The following ANKS1B variants were observed in gnomAD, a reference collection of about 807,000 sequenced individuals.
The protein encoded by ANKS1B is ankyrin repeat and sterile alpha motif domain containing 1B, also known as ankyrin repeat and sterile alpha motif domain-containing protein 1B.
A neutral mutation model predicts 148.3 loss-of-function variants in ANKS1B; 36 were observed. The observed-to-expected ratio is 0.24, with a 90% confidence interval of 0.19 to 0.32. The LOEUF (loss-of-function observed/expected upper bound fraction) is 0.32. Among genes scored for constraint, ANKS1B ranks in the 10% least tolerant of loss-of-function variants. The probability of loss-of-function intolerance (pLI) is 1.00; values close to 1 mark genes in which losing one functional copy is unlikely to be tolerated. For synonymous variants in ANKS1B, 542 were observed against 560.8 expected, an observed-to-expected ratio of 0.97 and a Z score of 0.47; for missense variants, 1,157 against 1,542.6, an observed-to-expected ratio of 0.75 and a Z score of 4.19.
chr12:98,823,978 T>A (rs2099224313), intron 19 of ANKS1B, among the ~76,000 whole-genome samples: 1 of 152,234 alleles, frequency 6.6e-6, no homozygotes, highest in African/African-American at 2.4e-5. Flanking sequence ...TGGCAAAGTG[T>A]TTGCCTCATG....
rs567627136 is a variant in ANKS1B at position 99,710,422 on chromosome 12, A to G, written c.1129-55212T>C. 2.6e-5 allele frequency among the ~76,000 whole-genome samples: 4 copies of G among 152,262 alleles called. No homozygotes were observed. The East Asian group carries it at 7.7e-4, about 29-fold the overall frequency. On this transcript the variant is annotated intron_variant, in intron 8 of 26. Transcript: ENST00000683438. ...TTCTGAGTCTGCTTGAGTAACCTAT[A>G]GTTTATGGGATAAAAGAGATAGATT...
chr12:99,792,373 AC>A (rs1200468927), intron 4 of ANKS1B, among the ~76,000 whole-genome samples: 54 of 152,010 alleles, frequency 3.6e-4, no homozygotes, highest in Admixed American at 3.5e-3. Context: ...AAGATGGAAT[AC>A]TTACAAACCC....
At chr12:99,848,969 A>G (rs2087204688) in intron 1 of ANKS1B, among the ~76,000 whole-genome samples, 1 of 152,138 alleles carries the variant, frequency 6.6e-6, no homozygotes, top group African/African-American at 2.4e-5. Flanking sequence ...ACATGTTCTC[A>G]CTTGTAAGTG....
At chr12:99,422,337 T>G (rs1482926468) in intron 11 of ANKS1B, among the ~76,000 whole-genome samples, 1 of 152,192 alleles carries the variant, frequency 6.6e-6, no homozygotes, top group African/African-American at 2.4e-5. Flanking sequence ...ATAGATGCCA[T>G]TCTTTCCCTC....
chr12:99,093,268 G>A (rs1030711653), intron 15 of ANKS1B: 1 of 152,200 alleles, frequency 6.6e-6, no homozygotes, highest in African/African-American at 2.4e-5. Context: ...AACTACCTTA[G>A]TGTATTCCAG....
In ANKS1B at chr12:99,308,090, T is replaced by C. The variant is rs189123765; in HGVS notation, c.1757-61226A>G. On this transcript the variant is annotated intron_variant, in intron 12 of 26. Coordinates refer to ENST00000683438, the MANE Select transcript of ANKS1B (RefSeq NM_001352186.2). Reference sequence around the variant, plus strand: ...TGAATGATTGTGACTCGTTTAACTATATCTGGACCTGGAGGTAGCTATTTG... The same window carrying C: ...TGAATGATTGTGACTCGTTTAACTACATCTGGACCTGGAGGTAGCTATTTG... Among the ~76,000 whole-genome samples the C allele has an allele frequency of 1.1e-3, 160 of 152,276 alleles. 1 individual carries two copies. Among genetic ancestry groups the C allele is most frequent in the Non-Finnish European group, 3.4e-4 (23 of 68,008 alleles).
At chr12:99,347,189 T>C (rs1293832131) in intron 12 of ANKS1B, among the ~76,000 whole-genome samples, 1 of 151,922 alleles carries the variant, frequency 6.6e-6, no homozygotes, top group Non-Finnish European at 1.5e-5. Flanking sequence ...AGCATCTATA[T>C]AAATACTTAA....
At chr12:99,919,372 A>C (rs1255912264) in intron 1 of ANKS1B, among the ~76,000 whole-genome samples, 1 of 152,204 alleles carries the variant, frequency 6.6e-6, no homozygotes, top group African/African-American at 2.4e-5. Flanking sequence ...GCTACTTAAT[A>C]AGTAATAGTT....
intron 9 of ANKS1B, among the ~76,000 whole-genome samples, chr12:99,534,779 G>A (rs1567295836): frequency 1.4e-5 from 2 of 140,750 alleles, no homozygotes; most frequent in Non-Finnish European, 3.0e-5. Context: ...GCATTATTTC[G>A]GCTCACTGCA....
chr12:99,879,576 C>T lies in ANKS1B; in HGVS notation c.135-54187G>A, dbSNP rs113965054. ...ATTCCTAAGCCTATCTCAGATTCTG[C>T]AGGATGAATCAGTTTGTTTATCATT... On this transcript the variant is annotated intron_variant, in intron 1 of 26. Transcript: ENST00000683438. Among the ~76,000 whole-genome samples the T allele has an allele frequency of 8.8e-3, 1,336 of 152,300 alleles. 5 individuals carry two copies. Among genetic ancestry groups the T allele is most frequent in the Non-Finnish European group, 0.014 (954 of 68,022 alleles).
chr12:99,488,519 C>T (rs1422521432), intron 10 of ANKS1B, among the ~76,000 whole-genome samples: 1 of 152,050 alleles, frequency 6.6e-6, no homozygotes, highest in Admixed American at 6.6e-5. Context: ...TTATTAAGTA[C>T]CTTTGTTTCT....
chr12:99,403,758 T>G (rs1420025058), intron 11 of ANKS1B, among the ~76,000 whole-genome samples: 1 of 145,672 alleles, frequency 6.9e-6, no homozygotes, highest in Non-Finnish European at 1.5e-5. Flanking sequence ...CAAACAGAAA[T>G]TTTGAGGATA....
intron 9 of ANKS1B, among the ~76,000 whole-genome samples, chr12:99,531,602 T>A (rs2096991739): frequency 6.6e-6 from 1 of 152,240 alleles, no homozygotes; most frequent in Non-Finnish European, 1.5e-5. Context: ...CTTTATCCGG[T>A]CATCAGTTGA....
At chr12:99,099,928 T>G (rs2057464033) in intron 15 of ANKS1B, 1 of 152,212 alleles carries the variant, frequency 6.6e-6, no homozygotes, top group Non-Finnish European at 1.5e-5. Flanking sequence ...ATTTTCATTT[T>G]GGACTGAGCT....
At chr12:99,606,559 T>C (rs978103855) in intron 9 of ANKS1B, among the ~76,000 whole-genome samples, 1 of 151,962 alleles carries the variant, frequency 6.6e-6, no homozygotes, top group Non-Finnish European at 1.5e-5. Context: ...CTTCTCTATA[T>C]CTTATAAAAA....
At chr12:98,783,467 T>C (rs2098757139) in intron 22 of ANKS1B, among the ~76,000 whole-genome samples, 1 of 152,158 alleles carries the variant, frequency 6.6e-6, no homozygotes, top group South Asian at 2.1e-4. Context: ...ATTACAATGT[T>C]GACAAATGTG....
intron 11 of ANKS1B, among the ~76,000 whole-genome samples, chr12:99,437,831 C>T (rs1331601737): frequency 6.6e-6 from 1 of 151,894 alleles, no homozygotes; most frequent in Non-Finnish European, 1.5e-5. Flanking sequence ...AACATGCTGT[C>T]ATACTGCCTT....
chr12:99,960,783 TTA>T (rs2095400401), intron 1 of ANKS1B, among the ~76,000 whole-genome samples: 1 of 152,174 alleles, frequency 6.6e-6, no homozygotes, highest in African/African-American at 2.4e-5. Context: ...TCAATAACAT[TTA>T]TAGCCAATAA....
At chr12:99,957,421 T>A (rs2095341366) in intron 1 of ANKS1B, among the ~76,000 whole-genome samples, 1 of 152,182 alleles carries the variant, frequency 6.6e-6, no homozygotes, top group South Asian at 2.1e-4. Flanking sequence ...TCCCAAAATA[T>A]CTCCTACAAA....
Sources: allele counts gnomAD v4.1 joint callset (sites outside exome capture counted in the v4.1 genomes callset), GRCh38; gene constraint gnomAD v4.1.1; transcripts MANE v1.5; gene names NCBI Gene and HGNC (gene_info 2026-07-23, HGNC 2026-07-21).